SYT1: variants seen among roughly 807,000 people sequenced by gnomAD.
SYT1 encodes the protein synaptotagmin 1, also known as synaptotagmin-1.
A neutral mutation model predicts 44.8 loss-of-function variants in SYT1; 8 were observed. The observed-to-expected ratio is 0.18, with a 90% CI of 0.10 to 0.32. The LOEUF (loss-of-function observed/expected upper bound fraction) is 0.32. Among genes scored for constraint, SYT1 ranks in the 10% least tolerant of loss-of-function variants. The pLI, the probability that SYT1 is intolerant of heterozygous loss-of-function variation, is 1.00. For synonymous variants in SYT1, 154 were observed against 188.8 expected (o/e 0.82, Z 1.51); for missense variants, 286 against 509.3 (o/e 0.56, Z 4.22).
intron 1 of SYT1, among the ~76,000 whole-genome samples, chr12:78,898,607 C>A: frequency 6.6e-6 from 1 of 152,000 alleles, no homozygotes; most frequent in Non-Finnish European, 1.5e-5. Flanking sequence ...AGATAGAATT[C>A]ATGATTGTTT....
intron 1 of SYT1, among the ~76,000 whole-genome samples, chr12:78,874,108 T>C (rs1873949424): frequency 6.6e-6 from 1 of 151,658 alleles, no homozygotes; most frequent in Non-Finnish European, 1.5e-5. Flanking sequence ...CTTTCCATGC[T>C]TCATCCCATT....
intron 2 of SYT1, among the ~76,000 whole-genome samples, chr12:78,985,054 C>T (rs1869542151): frequency 6.6e-6 from 1 of 151,060 alleles, no homozygotes; most frequent in Non-Finnish European, 1.5e-5. Context: ...TACCGAGAAC[C>T]AAAAAGAAAC....
chr12:79,177,152 T>C (rs1389822780), intron 3 of SYT1, among the ~76,000 whole-genome samples: 1 of 114,734 alleles, frequency 8.7e-6, no homozygotes, highest in Non-Finnish European at 1.8e-5. Context: ...CCCACTAACG[T>C]GTCATCTAGC....
chr12:79,240,696 C>T (rs1876451853), intron 4 of SYT1, among the ~76,000 whole-genome samples: 1 of 152,038 alleles, frequency 6.6e-6, no homozygotes, highest in South Asian at 2.1e-4. Context: ...AGTAGAGTTT[C>T]TGTGCTTAAT....
chr12:79,066,012 T>G (rs1875822136), intron 3 of SYT1, among the ~76,000 whole-genome samples: 1 of 151,586 alleles, frequency 6.6e-6, no homozygotes, highest in African/African-American at 2.4e-5. Context: ...GAATTATGAG[T>G]CAGACAGAAA....
intron 2 of SYT1, among the ~76,000 whole-genome samples, chr12:78,989,033 A>T (rs74110114): frequency 0.082 from 12,523 of 152,178 alleles, 1,734 homozygotes; most frequent in African/African-American, 0.28. Context: ...TGAATTGAAT[A>T]TGGAAAATAA....
chr12:79,027,288 GC>G (rs1259805718), intron 2 of SYT1, among the ~76,000 whole-genome samples: 1 of 151,282 alleles, frequency 6.6e-6, no homozygotes, highest in African/African-American at 2.4e-5. Flanking sequence ...CCTGTCTCCT[GC>G]TTACTTCCAT....
chr12:79,192,262 TAA>T (rs367605537), intron 3 of SYT1, among the ~76,000 whole-genome samples: 28 of 152,280 alleles, frequency 1.8e-4, no homozygotes, highest in Admixed American at 4.6e-4. Flanking sequence ...CCTAAGGAGT[TAA>T]AAATAAAAGG....
At chr12:79,289,096 G>A (rs533313463) in intron 5 of SYT1, among the ~76,000 whole-genome samples, 10 of 152,284 alleles carry the variant, frequency 6.6e-5, no homozygotes, top group Non-Finnish European at 1.2e-4. Flanking sequence ...TTTCTAGTGC[G>A]CCTTATTAAA....
chr12:79,075,546 T>A (rs1876583512), intron 3 of SYT1, among the ~76,000 whole-genome samples: 1 of 152,232 alleles, frequency 6.6e-6, no homozygotes, highest in Non-Finnish European at 1.5e-5. Context: ...GTACATCTGA[T>A]GCTTTAACAT....
At chr12:79,291,163 T>C (rs1185679495) in intron 5 of SYT1, among the ~76,000 whole-genome samples, 4 of 152,350 alleles carry the variant, frequency 2.6e-5, no homozygotes, top group Non-Finnish European at 5.9e-5. Context: ...AATATTTCCA[T>C]TTATAGTACA....
At chr12:78,932,178 T>C (rs1018575180) in intron 1 of SYT1, among the ~76,000 whole-genome samples, 4 of 152,262 alleles carry the variant, frequency 2.6e-5, no homozygotes, top group African/African-American at 9.6e-5. Context: ...CTTTAGAATA[T>C]AATCTGAATA....
At chr12:78,973,935 AAAAATAT>A (rs1868596539) in intron 1 of SYT1, among the ~76,000 whole-genome samples, 1 of 26,534 alleles carries the variant, frequency 3.8e-5, no homozygotes, top group Non-Finnish European at 6.3e-5. Context: ...AAAAAAAAAA[AAAAATAT>A]ATATATATAT....
At chr12:79,434,562 G>A (rs1278733093) in intron 9 of SYT1, among the ~76,000 whole-genome samples, 1 of 152,202 alleles carries the variant, frequency 6.6e-6, no homozygotes, top group Non-Finnish European at 1.5e-5. Flanking sequence ...TTGGCTTACT[G>A]ATGAACTAAG....
At chr12:79,044,414 C>T (rs943918163) in intron 2 of SYT1, among the ~76,000 whole-genome samples, 37 of 151,804 alleles carry the variant, frequency 2.4e-4, no homozygotes, top group Admixed American at 1.6e-3. Flanking sequence ...TCCAGTTGAT[C>T]GCATTGGCTC....
intron 8 of SYT1, among the ~76,000 whole-genome samples, chr12:79,317,463 A>G (rs901848439): frequency 1.3e-5 from 2 of 152,218 alleles, no homozygotes; most frequent in Non-Finnish European, 2.9e-5. Context: ...ATTGTGAACA[A>G]GAGATGGCAA....
rs531908736 is a variant in SYT1 at position 78,901,279 on chromosome 12, A to T, written c.-217+36170A>T. 1.8e-3 allele frequency among the ~76,000 whole-genome samples: 270 copies of T among 152,154 alleles called. 2 individuals carry two copies. The highest frequency in any genetic ancestry group is 6.3e-3 in the African/African-American group (263 of 41,538). On this transcript the variant is annotated intron_variant, in intron 1 of 10. Coordinates refer to ENST00000261205, the MANE Select transcript of SYT1 (RefSeq NM_005639.3). ...GAATTGAATGTGGACCTCCTAAAATATTTTTTTCCAAAAAGAAAGTCTTCT... is the reference window on the plus strand; with the variant it reads ...GAATTGAATGTGGACCTCCTAAAATTTTTTTTTCCAAAAAGAAAGTCTTCT...
rs74107304 is a variant in SYT1, at chr12:79,111,481, T to C, written c.-18+64119T>C. ...TTATTCATCTTAACATAATAATAAGTTGTAATAATTATAATAAATTATAAT... is the reference window on the plus strand; with the variant it reads ...TTATTCATCTTAACATAATAATAAGCTGTAATAATTATAATAAATTATAAT... On this transcript the variant is annotated intron_variant, in intron 3 of 10. Transcript: ENST00000261205. Among the ~76,000 whole-genome samples the C allele has an allele frequency of 2.3e-3, 350 of 152,116 alleles. 3 individuals carry two copies. Among genetic ancestry groups the C allele is most frequent in the African/African-American group, 7.3e-3 (302 of 41,544 alleles).
At chr12:79,114,635 G>A (rs1879182151) in intron 3 of SYT1, among the ~76,000 whole-genome samples, 1 of 152,066 alleles carries the variant, frequency 6.6e-6, no homozygotes, top group Non-Finnish European at 1.5e-5. Context: ...CATATCTTCA[G>A]GCCAGAGCAC....
Sources: gnomAD v4.1 joint callset for allele counts (sites outside exome capture counted in the v4.1 genomes callset) on GRCh38, gnomAD v4.1.1 for gene constraint, MANE v1.5 for transcripts, NCBI Gene and HGNC (gene_info 2026-07-23, HGNC 2026-07-21) for gene names.